Variants in NUP98 observed in about 807,000 individuals in gnomAD.
NUP98 encodes nuclear pore complex protein Nup98-Nup96.
A neutral mutation model predicts 191.9 loss-of-function variants in NUP98; 26 were observed. The ratio of observed to expected loss-of-function variants is 0.14; its 90% CI spans 0.10 to 0.19. The LOEUF (loss-of-function observed/expected upper bound fraction) is 0.19. NUP98 is among the 10% of genes least tolerant of loss of function. The pLI is 1.00. For synonymous variants in NUP98, 808 were observed against 778.4 expected (o/e 1.04, Z -0.63); for missense variants, 1,941 against 2,178.8 (o/e 0.89, Z 2.17).
intron 24 of NUP98, 136 bp from the exon 25 acceptor site, chr11:3,699,484 G>C: frequency 3.3e-6 from 3 of 909,840 alleles, no homozygotes; most frequent in Non-Finnish European, 4.9e-6. Flanking sequence ...TGATTACCCT[G>C]AATCTGTCTC....
chr11:3,701,755 A>T (rs2078686909), intron 23 of NUP98, among the ~76,000 whole-genome samples: 2 of 149,294 alleles, frequency 1.3e-5, no homozygotes, highest in Admixed American at 1.3e-4. Context: ...GCGCGATCTC[A>T]GCTCACTGCA....
At chr11:3,712,309 A>G in intron 20 of NUP98, 1 of 1,255,252 alleles carries the variant, frequency 8.0e-7, no homozygotes, top group South Asian at 2.8e-5. Context: ...CAAATGAGAG[A>G]GAACAAAGGG....
chr11:3,767,590 G>A (rs555239885), intron 8 of NUP98, among the ~76,000 whole-genome samples: 1 of 152,020 alleles, frequency 6.6e-6, no homozygotes, highest in African/African-American at 2.4e-5. Context: ...CAAAGTGCTG[G>A]GATTACAGGC....
Position 3,699,242 on chromosome 11 carries a change from C to T in NUP98, c.3849G>A (p.Leu1283=). ...LNEPREYIQI[L]ERRRAFSRWL... ...AGCGGGAGAAAGCTCTTCTTCGCTCCAGAATTTGAATGTATTCACGGGGTT... is the reference window on the plus strand; with the variant it reads ...AGCGGGAGAAAGCTCTTCTTCGCTCTAGAATTTGAATGTATTCACGGGGTT... Residue 1283 remains leucine (L), a synonymous_variant, in exon 25 of 33, where the codon CTG becomes CTA. Coordinates refer to ENST00000324932, the MANE Select transcript of NUP98 (RefSeq NM_016320.5). 1 of 1,614,122 alleles carries T rather than the reference C, an allele frequency of 6.2e-7. No homozygotes were observed. Among genetic ancestry groups the T allele is most frequent in the Non-Finnish European group, 8.5e-7 (1 of 1,180,026 alleles).
intron 8 of NUP98, 91 bp downstream of exon 8, chr11:3,768,490 A>G (rs1175294152): frequency 1.7e-6 from 2 of 1,170,028 alleles, no homozygotes; most frequent in Non-Finnish European, 2.3e-6. Context: ...TTTGCAGTAC[A>G]GGTAGAATTT....
intron 16 of NUP98, among the ~76,000 whole-genome samples, chr11:3,721,265 T>C (rs761892837): frequency 6.6e-6 from 1 of 152,236 alleles, no homozygotes; most frequent in Non-Finnish European, 1.5e-5. Context: ...TGGAAATAAC[T>C]TGTGTTGGCT....
At position 3,735,206 on chromosome 11, in the gene NUP98, A is replaced by C. The variant is rs145990724; in HGVS notation, c.1527T>G (p.Pro509=). 2.3e-5 allele frequency: 37 copies of C among 1,588,090 alleles called. No individual in the cohort carries two copies. The highest frequency in any genetic ancestry group is 1.0e-5 in the Non-Finnish European group (12 of 1,165,390). Residue 509 remains proline, a synonymous_variant, in exon 13 of 33, where the codon CCT becomes CCG. Coordinates refer to ENST00000324932, the MANE Select transcript of NUP98 (RefSeq NM_016320.5). ...SPLFRNPMSD[P]KKKEERLKPT... is the part of the protein sequence containing the mutation. ...TTAAATTTACCTCTTCCTTCTTCTTAGGGTCTGACATCGGATTCCGGAAGA... is the reference window on the plus strand; with the variant it reads ...TTAAATTTACCTCTTCCTTCTTCTTCGGGTCTGACATCGGATTCCGGAAGA...
intron 11 of NUP98, among the ~76,000 whole-genome samples, chr11:3,750,152 A>T (rs2080690393): frequency 6.6e-6 from 1 of 152,142 alleles, no homozygotes; most frequent in African/African-American, 2.4e-5. Context: ...TTTTTTTAGG[A>T]ATGAGACTTT....
chr11:3,757,488 AAAAC>A (rs1182586446), intron 10 of NUP98, among the ~76,000 whole-genome samples: 12 of 151,570 alleles, frequency 7.9e-5, no homozygotes, highest in Non-Finnish European at 2.9e-5. Flanking sequence ...GTCTCCCCAA[AAAAC>A]AAACAAAACA....
intron 11 of NUP98, among the ~76,000 whole-genome samples, chr11:3,748,484 A>G (rs2080594471): frequency 6.6e-6 from 1 of 152,046 alleles, no homozygotes. Flanking sequence ...TCACACCACT[A>G]CACTCCAGCC....
chr11:3,725,871 A>G (rs1213810050), intron 14 of NUP98, among the ~76,000 whole-genome samples: 2 of 152,166 alleles, frequency 1.3e-5, no homozygotes, highest in Non-Finnish European at 2.9e-5. Flanking sequence ...GTGTAGTGGT[A>G]CAATCGCTGA....
chr11:3,762,867 A>C (rs2081218542), intron 9 of NUP98, 35 bp downstream of exon 9: 1 of 1,604,076 alleles, frequency 6.2e-7, no homozygotes, highest in African/African-American at 1.3e-5. Flanking sequence ...AAATTTACAC[A>C]CATCTTCAAA....
chr11:3,713,713 C>T, intron 19 of NUP98, 105 bp downstream of exon 19: 1 of 1,085,884 alleles, frequency 9.2e-7, no homozygotes, highest in East Asian at 2.5e-5. Flanking sequence ...AGCAAGAACC[C>T]CATCAATCAA....
chr11:3,781,694 TA>T (rs2081975842), intron 2 of NUP98, among the ~76,000 whole-genome samples: 1 of 152,026 alleles, frequency 6.6e-6, no homozygotes, highest in Non-Finnish European at 1.5e-5. Context: ...GTTCACAGGG[TA>T]AATTCCAGGG....
chr11:3,796,993 C>T (rs2082657397), intron 1 of NUP98, among the ~76,000 whole-genome samples: 1 of 152,240 alleles, frequency 6.6e-6, no homozygotes, highest in Non-Finnish European at 1.5e-5. Context: ...TATGGAGAAG[C>T]CAAGGCAAAT....
At chr11:3,796,129 G>A (rs2134010596) in intron 1 of NUP98, among the ~76,000 whole-genome samples, 1 of 152,316 alleles carries the variant, frequency 6.6e-6, no homozygotes, top group Non-Finnish European at 1.5e-5. Flanking sequence ...CCGTCACAGG[G>A]AATGATCACT....
Position 3,776,028 on chromosome 11 carries a change from AT to A in NUP98, c.356-8del. ...CTAGTACTGGTTCCAAAATCTAAAA[AT>A]AAGAAAGAAAAATGAGACGATAACA... On this transcript the variant is annotated splice_region_variant and splice_polypyrimidine_tract_variant and intron_variant, in intron 4 of 32. Coordinates refer to ENST00000324932, the MANE Select transcript of NUP98 (RefSeq NM_016320.5). 6.3e-7 allele frequency: 1 copy of A among 1,597,550 alleles called. No individual in the cohort carries two copies. Among genetic ancestry groups the A allele is most frequent in the South Asian group, 1.1e-5 (1 of 87,810 alleles).
At chr11:3,680,749 T>C (rs894664074) in intron 30 of NUP98, among the ~76,000 whole-genome samples, 3 of 152,140 alleles carry the variant, frequency 2.0e-5, no homozygotes, top group Non-Finnish European at 2.9e-5. Flanking sequence ...GGTTTCACCA[T>C]GTTGCCCAAC....
intron 1 of NUP98, among the ~76,000 whole-genome samples, chr11:3,787,564 C>A (rs1317399202): frequency 3.3e-5 from 5 of 151,732 alleles, no homozygotes; most frequent in Non-Finnish European, 5.9e-5. Flanking sequence ...CAGAGCAAGA[C>A]GCTGTCTCAA....
Sources: gnomAD v4.1 joint callset for allele counts (sites outside exome capture counted in the v4.1 genomes callset) on GRCh38, gnomAD v4.1.1 for gene constraint, MANE v1.5 for transcripts, NCBI Gene and HGNC (gene_info 2026-07-23, HGNC 2026-07-21) for gene names.